NEO1: variants seen among roughly 807,000 people sequenced by gnomAD.
NEO1 encodes neogenin 1, also known as neogenin.
In NEO1, 63 loss-of-function variants were observed where a neutral mutation model predicts 159.7. That is an observed-to-expected ratio of 0.39 (90% CI 0.32 to 0.49). NEO1 has a LOEUF of 0.49. Ranked by LOEUF, NEO1 falls within the 20% of genes least tolerant of loss-of-function variation. The probability of loss-of-function intolerance (pLI) is 0.85; values close to 1 mark genes in which losing one functional copy is unlikely to be tolerated. For synonymous variants in NEO1, 633 were observed against 662.0 expected, an observed-to-expected ratio of 0.96 and a Z score of 0.67; for missense variants, 1,615 against 1,831.0, an observed-to-expected ratio of 0.88 and a Z score of 2.15.
At chr15:73,212,698 T>C (rs559961065) in intron 7 of NEO1, among the ~76,000 whole-genome samples, 3 of 151,592 alleles carry the variant, frequency 2.0e-5, no homozygotes, top group South Asian at 4.2e-4. Flanking sequence ...ATAACATGTA[T>C]AGGAAAGTTT....
rs2042044571 is a variant in NEO1 at position 73,288,698 on chromosome 15, T to C, written c.3649+147T>C. ...ATGTGTATGATAAGATTTGGGAACA[T>C]ATGATGAAGAATACCTAGCTTCTTA... On this transcript the variant is annotated intron_variant, in intron 24 of 28. Coordinates refer to ENST00000261908, the MANE Select transcript of NEO1 (RefSeq NM_002499.4). 1.3e-5 allele frequency: 9 copies of C among 692,976 alleles called. No homozygotes were observed. In the Admixed American group the frequency reaches 1.9e-4, roughly 15 times the overall value. 42.9% of individuals were successfully genotyped at this position (692,976 alleles called of 1,614,324 possible).
chr15:73,062,990 A>G (rs2068048953), intron 1 of NEO1, among the ~76,000 whole-genome samples: 1 of 152,236 alleles, frequency 6.6e-6, no homozygotes, highest in South Asian at 2.1e-4. Flanking sequence ...AGACTTAGGC[A>G]TACATCTATA....
chr15:73,228,561 T>TG (rs2038726570), intron 7 of NEO1, among the ~76,000 whole-genome samples: 1 of 151,918 alleles, frequency 6.6e-6, no homozygotes, highest in South Asian at 2.1e-4. Context: ...TTGTTGTTGT[T>TG]GTTGTTTTTG....
chr15:73,132,888 T>A (rs777376873), intron 4 of NEO1, among the ~76,000 whole-genome samples: 5 of 152,140 alleles, frequency 3.3e-5, no homozygotes, highest in Non-Finnish European at 4.4e-5. Flanking sequence ...GTAATAGATG[T>A]TGATGTGGAT....
intron 23 of NEO1, among the ~76,000 whole-genome samples, chr15:73,286,012 G>T (rs2041930550): frequency 6.6e-6 from 1 of 152,108 alleles, no homozygotes. Flanking sequence ...CGCCTCTTCA[G>T]TATTTAAGTG....
At chr15:73,057,520 C>T (rs1008761198) in intron 1 of NEO1, among the ~76,000 whole-genome samples, 2 of 152,024 alleles carry the variant, frequency 1.3e-5, no homozygotes, top group Admixed American at 6.6e-5. Context: ...TCATATTGAC[C>T]GGAGAGCTAA....
chr15:73,296,522 G>A (rs1469293847), intron 26 of NEO1, among the ~76,000 whole-genome samples: 1 of 152,154 alleles, frequency 6.6e-6, no homozygotes, highest in Non-Finnish European at 1.5e-5. Flanking sequence ...GGTGCCACTC[G>A]TGACTGGTGT....
chr15:73,098,948 T>C (rs2070244862), intron 1 of NEO1, among the ~76,000 whole-genome samples: 1 of 152,222 alleles, frequency 6.6e-6, no homozygotes, highest in South Asian at 2.1e-4. Flanking sequence ...TGAGCAATTG[T>C]ATCTCACTGT....
At chr15:73,189,767 CTT>C (rs1448743199) in intron 7 of NEO1, among the ~76,000 whole-genome samples, 2 of 152,278 alleles carry the variant, frequency 1.3e-5, no homozygotes, top group African/African-American at 2.4e-5. Flanking sequence ...TTAAATGAAA[CTT>C]AATAATTATA....
chr15:73,121,424 A>T (rs769630434), intron 2 of NEO1, among the ~76,000 whole-genome samples: 1 of 152,166 alleles, frequency 6.6e-6, no homozygotes, highest in Non-Finnish European at 1.5e-5. Context: ...TCATGCCAAG[A>T]AGCATGTGAT....
chr15:73,175,821 A>G (rs1442905801), intron 5 of NEO1, among the ~76,000 whole-genome samples: 1 of 152,222 alleles, frequency 6.6e-6, no homozygotes, highest in Admixed American at 6.5e-5. Flanking sequence ...GGGCATGTGG[A>G]AAGGGAGCTA....
In NEO1 at chr15:73,199,427, C is replaced by T. The variant is rs114531070; in HGVS notation, c.1291+21000C>T. ...GAAAAAAGTCATTATACACTGTCTA[C>T]ATTTAAGGATTGGAGAGTTATGCTC... On this transcript the variant is annotated intron_variant, in intron 7 of 28. Coordinates refer to ENST00000261908, the MANE Select transcript of NEO1 (RefSeq NM_002499.4). Among the ~76,000 whole-genome samples the T allele has an allele frequency of 9.6e-3, 1,460 of 152,184 alleles. 29 individuals are homozygous for T. The highest frequency in any genetic ancestry group is 0.033 in the African/African-American group (1,389 of 41,524).
At position 73,056,756 on chromosome 15, in the gene NEO1, T is replaced by G. The variant is rs146364587; in HGVS notation, c.130+3951T>G. Among the ~76,000 whole-genome samples the G allele has an allele frequency of 6.8e-4, 104 of 152,308 alleles. 2 individuals carry two copies. In the East Asian group the frequency reaches 0.018, roughly 27 times the overall value. ...TTCACATTACTTAGTTTCCAGATCT[T>G]TTGTGATCTTGGTCATCCTCCTGGA... is the stretch of plus-strand genomic sequence containing the variant. On this transcript the variant is annotated intron_variant, in intron 1 of 28. Coordinates refer to ENST00000261908, the MANE Select transcript of NEO1 (RefSeq NM_002499.4).
At chr15:73,089,602 ATTT>A (rs200249919) in intron 1 of NEO1, among the ~76,000 whole-genome samples, 1 of 139,960 alleles carries the variant, frequency 7.1e-6, no homozygotes. Flanking sequence ...AACTTACACC[ATTT>A]TTTTTTTTTT....
intron 1 of NEO1, among the ~76,000 whole-genome samples, chr15:73,102,076 T>C (rs1306496477): frequency 3.3e-5 from 5 of 151,988 alleles, no homozygotes; most frequent in African/African-American, 1.2e-4. Context: ...TGAATCAGAA[T>C]CTGAATTTTA....
At position 73,243,897 on chromosome 15, in the gene NEO1, A is replaced by G. The variant is rs553706679; in HGVS notation, c.1452-447A>G. Among the ~76,000 whole-genome samples, 100 of 152,288 alleles carry G rather than the reference A, an allele frequency of 6.6e-4. 1 individual carries two copies. In the South Asian group the frequency reaches 0.018, roughly 27 times the overall value. On this transcript the variant is annotated intron_variant, in intron 8 of 28. Transcript: ENST00000261908. Reference sequence around the variant, plus strand: ...ATTTTAAAAGATGATAACCTCTAGCATTCTTTTTATTGAGAGTCTCTTAGC... The same window carrying G: ...ATTTTAAAAGATGATAACCTCTAGCGTTCTTTTTATTGAGAGTCTCTTAGC...
At chr15:73,083,561 C>T (rs2069188140) in intron 1 of NEO1, among the ~76,000 whole-genome samples, 1 of 152,066 alleles carries the variant, frequency 6.6e-6, no homozygotes, top group Admixed American at 6.6e-5. Flanking sequence ...TTTACTCTGC[C>T]TTCATCTGCC....
intron 1 of NEO1, among the ~76,000 whole-genome samples, chr15:73,058,952 T>C (rs2067850082): frequency 6.6e-6 from 1 of 152,208 alleles, no homozygotes; most frequent in Non-Finnish European, 1.5e-5. Context: ...GCTCAGGTTA[T>C]TGTATATCTT....
chr15:73,064,309 C>T (rs1371691808), intron 1 of NEO1, among the ~76,000 whole-genome samples: 1 of 152,152 alleles, frequency 6.6e-6, no homozygotes, highest in Non-Finnish European at 1.5e-5. Context: ...GTTCATATCT[C>T]ATGTTTTGTG....
Sources: gnomAD v4.1 joint callset for allele counts (sites outside exome capture counted in the v4.1 genomes callset) on GRCh38, gnomAD v4.1.1 for gene constraint, MANE v1.5 for transcripts, NCBI Gene and HGNC (gene_info 2026-07-23, HGNC 2026-07-21) for gene names.